CSMD1: variants seen among roughly 807,000 people sequenced by gnomAD.
The protein encoded by CSMD1 is CUB and sushi domain-containing protein 1.
In CSMD1, 213 loss-of-function variants were observed where a neutral mutation model predicts 417.5. That is an observed-to-expected ratio of 0.51 (90% CI 0.46 to 0.57). CSMD1 has a LOEUF of 0.57. CSMD1 is among the 20% of genes least tolerant of loss of function. The pLI is 0.00. For missense variants in CSMD1, 6,923 were observed against 4,529.7 expected, an observed-to-expected ratio of 1.53 and a Z score of -15.17; for synonymous variants, 2,862 against 1,736.8, an observed-to-expected ratio of 1.65 and a Z score of -16.11.
At chr8:4,067,081 A>G (rs1799291169) in intron 3 of CSMD1, among the ~76,000 whole-genome samples, 1 of 152,258 alleles carries the variant, frequency 6.6e-6, no homozygotes, top group African/African-American at 2.4e-5. Flanking sequence ...ATTCAGACAC[A>G]GAGAAGGGTA....
intron 56 of CSMD1, 97 bp downstream of exon 56, chr8:2,974,354 G>T: frequency 8.7e-7 from 1 of 1,155,388 alleles, no homozygotes; most frequent in Non-Finnish European, 1.2e-6. Context: ...TAATTATAGG[G>T]CTTTTCAAAT....
chr8:3,635,325 T>A (rs1019326967), intron 7 of CSMD1, among the ~76,000 whole-genome samples: 1 of 151,796 alleles, frequency 6.6e-6, no homozygotes, highest in Admixed American at 6.6e-5. Context: ...AATACAAAAA[T>A]TAGCCAGGCA....
chr8:4,426,861 A>T (rs1306048268), intron 2 of CSMD1, among the ~76,000 whole-genome samples: 1 of 151,528 alleles, frequency 6.6e-6, no homozygotes, highest in East Asian at 1.9e-4. Context: ...TTATAGCAGA[A>T]TTCAAAAGTG....
At chr8:4,023,228 T>C (rs1264919110) in intron 4 of CSMD1, among the ~76,000 whole-genome samples, 2 of 152,154 alleles carry the variant, frequency 1.3e-5, no homozygotes, top group African/African-American at 2.4e-5. Context: ...ATGTGAAAGG[T>C]GGCCATCTCC....
intron 5 of CSMD1, among the ~76,000 whole-genome samples, chr8:3,944,945 A>C (rs1811124167): frequency 6.6e-6 from 1 of 152,174 alleles, no homozygotes; most frequent in Admixed American, 6.5e-5. Flanking sequence ...TTATTCTTCG[A>C]CATTACAAGG....
At chr8:4,440,376 A>G (rs534567537) in intron 2 of CSMD1, among the ~76,000 whole-genome samples, 10 of 152,324 alleles carry the variant, frequency 6.6e-5, no homozygotes, top group African/African-American at 2.4e-4. Flanking sequence ...TATACAATGA[A>G]TAAGGAGTCA....
intron 9 of CSMD1, among the ~76,000 whole-genome samples, chr8:3,585,267 A>G (rs969984686): frequency 8.5e-5 from 13 of 152,202 alleles, no homozygotes; most frequent in African/African-American, 3.1e-4. Context: ...ACCTTTTTTA[A>G]TAACTAAAAT....
chr8:4,121,698 A>C (rs1197546523), intron 3 of CSMD1, among the ~76,000 whole-genome samples: 1 of 152,040 alleles, frequency 6.6e-6, no homozygotes, highest in African/African-American at 2.4e-5. Context: ...GAGGGTTTTC[A>C]TCATTCTGAC....
intron 5 of CSMD1, among the ~76,000 whole-genome samples, chr8:3,788,219 T>G (rs1355697945): frequency 6.6e-6 from 1 of 152,220 alleles, no homozygotes; most frequent in South Asian, 2.1e-4. Flanking sequence ...ATCACAGGAT[T>G]TAACAGGCAT....
chr8:4,096,966 G>C (rs1801046196), intron 3 of CSMD1, among the ~76,000 whole-genome samples: 1 of 152,196 alleles, frequency 6.6e-6, no homozygotes, highest in Non-Finnish European at 1.5e-5. Flanking sequence ...GTGTGAGCCA[G>C]TGAGTAAATT....
intron 12 of CSMD1, among the ~76,000 whole-genome samples, chr8:3,436,687 G>A (rs149815392): frequency 5.9e-5 from 9 of 151,944 alleles, no homozygotes; most frequent in East Asian, 5.8e-4. Flanking sequence ...TTCTATATAC[G>A]CGACACCTTA....
At chr8:4,132,323 A>C (rs1213807884) in intron 3 of CSMD1, among the ~76,000 whole-genome samples, 3 of 152,192 alleles carry the variant, frequency 2.0e-5, no homozygotes, top group African/African-American at 7.2e-5. Flanking sequence ...AGCAAGACAC[A>C]AAGGAGAATA....
At chr8:4,295,811 A>T (rs1172331172) in intron 3 of CSMD1, among the ~76,000 whole-genome samples, 1 of 144,182 alleles carries the variant, frequency 6.9e-6, no homozygotes, top group African/African-American at 2.5e-5. Flanking sequence ...TTGAGAGAAA[A>T]TTTAAAGTTA....
At chr8:3,426,347 T>C (rs1813838531) in intron 12 of CSMD1, among the ~76,000 whole-genome samples, 1 of 152,222 alleles carries the variant, frequency 6.6e-6, no homozygotes, top group Non-Finnish European at 1.5e-5. Flanking sequence ...TATCAGACAG[T>C]GATCATGAGA....
chr8:4,935,372 C>T (rs6990769), intron 1 of CSMD1, among the ~76,000 whole-genome samples: 46,961 of 152,112 alleles, frequency 0.31, 8,236 homozygotes, highest in Non-Finnish European at 0.4. Context: ...GTATCCTTAC[C>T]TCCTGCACAT....
intron 1 of CSMD1, among the ~76,000 whole-genome samples, chr8:4,922,685 G>A (rs917533708): frequency 2.0e-5 from 3 of 152,160 alleles, no homozygotes; most frequent in Admixed American, 6.5e-5. Context: ...GAGAGCCCCT[G>A]CAGACCTTCA....
intron 1 of CSMD1, among the ~76,000 whole-genome samples, chr8:4,805,882 G>A (rs533464920): frequency 1.3e-5 from 2 of 152,218 alleles, no homozygotes; most frequent in South Asian, 2.1e-4. Flanking sequence ...TATTGTGAAC[G>A]TAACCATTCA....
chr8:4,185,802 C>T (rs1054579329), intron 3 of CSMD1, among the ~76,000 whole-genome samples: 15 of 152,140 alleles, frequency 9.9e-5, no homozygotes, highest in Non-Finnish European at 2.1e-4. Flanking sequence ...GAGTGGCAGA[C>T]CCAGTGCCAG....
chr8:4,233,251 A>C (rs184762462), intron 3 of CSMD1, among the ~76,000 whole-genome samples: 2 of 152,274 alleles, frequency 1.3e-5, no homozygotes, highest in Admixed American at 6.5e-5. Context: ...TGTGACAGGG[A>C]AGATCAGCTT....
Sources: allele counts gnomAD v4.1 joint callset (sites outside exome capture counted in the v4.1 genomes callset), GRCh38; gene constraint gnomAD v4.1.1; transcripts MANE v1.5; gene names NCBI Gene and HGNC (gene_info 2026-07-23, HGNC 2026-07-21).